FBXL13: variants seen among roughly 807,000 people sequenced by gnomAD.
FBXL13 encodes the protein F-box and leucine-rich repeat protein 13.
In FBXL13, 67 loss-of-function variants were observed where a neutral mutation model predicts 83.6. That is an observed-to-expected ratio of 0.80 (90% CI 0.66 to 0.98). The LOEUF (loss-of-function observed/expected upper bound fraction) is 0.98. Ranked by LOEUF, FBXL13 falls within the 50% of genes least tolerant of loss-of-function variation. The pLI, the probability that FBXL13 is intolerant of heterozygous loss-of-function variation, is 0.00. For missense variants in FBXL13, 822 were observed against 866.5 expected (o/e 0.95, Z 0.64); for synonymous variants, 272 against 299.5 (o/e 0.91, Z 0.95).
chr7:103,037,338 C>T (rs182957659), intron 2 of FBXL13, among the ~76,000 whole-genome samples: 230 of 152,290 alleles, frequency 1.5e-3, no homozygotes, highest in Middle Eastern at 3.4e-3. Flanking sequence ...GTCTGCCTCT[C>T]CCAAATGATT....
At chr7:102,947,038 G>A (rs906805226) in intron 8 of FBXL13, among the ~76,000 whole-genome samples, 3 of 152,138 alleles carry the variant, frequency 2.0e-5, no homozygotes, top group Admixed American at 6.5e-5. Context: ...ACTTAGAGAC[G>A]TTACTTCTCC....
intron 7 of FBXL13, among the ~76,000 whole-genome samples, chr7:102,967,154 G>A (rs539072193): frequency 1.3e-5 from 2 of 152,164 alleles, no homozygotes; most frequent in South Asian, 4.2e-4. Context: ...ATTTTTAGTA[G>A]AGATGGCGTT....
At chr7:102,954,247 TAAAG>T (rs1563143665) in intron 8 of FBXL13, among the ~76,000 whole-genome samples, 1 of 152,170 alleles carries the variant, frequency 6.6e-6, no homozygotes, top group Non-Finnish European at 1.5e-5. Flanking sequence ...TTAACATTCT[TAAAG>T]AAAATAATTT....
intron 1 of FBXL13, among the ~76,000 whole-genome samples, chr7:103,071,606 G>C (rs1273786214): frequency 6.9e-6 from 1 of 145,336 alleles, no homozygotes; most frequent in Non-Finnish European, 1.5e-5. Flanking sequence ...CTATGTTACC[G>C]AGGCTGGTCT....
At chr7:102,816,455 G>T (rs766816408) in intron 19 of FBXL13, among the ~76,000 whole-genome samples, 1 of 152,108 alleles carries the variant, frequency 6.6e-6, no homozygotes, top group Non-Finnish European at 1.5e-5. Flanking sequence ...ATCCTTAGCC[G>T]TGACTAGCTG....
At chr7:102,841,471 A>G (rs576650941) in intron 17 of FBXL13, among the ~76,000 whole-genome samples, 11 of 152,270 alleles carry the variant, frequency 7.2e-5, no homozygotes, top group Admixed American at 4.6e-4. Context: ...TTCTTCCCCA[A>G]TGGGAGTGGG....
intron 6 of FBXL13, among the ~76,000 whole-genome samples, chr7:102,998,069 G>C (rs2129485278): frequency 6.6e-6 from 1 of 152,128 alleles, no homozygotes; most frequent in South Asian, 2.1e-4. Context: ...ATCCTCATAA[G>C]CATGTTATTT....
At chr7:102,847,860 A>C (rs768459499) in intron 17 of FBXL13, among the ~76,000 whole-genome samples, 12 of 152,180 alleles carry the variant, frequency 7.9e-5, no homozygotes, top group Non-Finnish European at 1.8e-4. Flanking sequence ...TGCTTTAAAT[A>C]CTGACCATCA....
intron 6 of FBXL13, among the ~76,000 whole-genome samples, chr7:103,009,246 T>C (rs1426109723): frequency 6.6e-6 from 1 of 151,966 alleles, no homozygotes; most frequent in Admixed American, 6.6e-5. Flanking sequence ...AAGCAGCTCA[T>C]GTGCGCCACT....
exon 13 of FBXL13, chr7:102,883,647 A>T (rs757813069): frequency 6.2e-7 from 1 of 1,611,636 alleles, no homozygotes; most frequent in Admixed American, 1.7e-5. Context: ...CACCAGTGAA[A>T]ACCAGCGATG....
intron 8 of FBXL13, chr7:102,942,299 G>C: frequency 1.3e-6 from 2 of 1,599,500 alleles, no homozygotes; most frequent in Admixed American, 1.7e-5. Flanking sequence ...GGGTCTTTGA[G>C]ATGAAACCCT....
chr7:102,815,864 A>G (rs532150563), intron 19 of FBXL13, among the ~76,000 whole-genome samples: 1 of 152,298 alleles, frequency 6.6e-6, no homozygotes, highest in Non-Finnish European at 1.5e-5. Context: ...TAATTGTGAC[A>G]TAAAACAATT....
At chr7:103,025,142 C>T (rs1362026713) in exon 6 of FBXL13, 3 of 1,612,050 alleles carry the variant, frequency 1.9e-6, no homozygotes, top group East Asian at 2.2e-5. Context: ...AGAAGAACTT[C>T]GTTCAGGAAA....
chr7:103,027,365 T>TC (rs1383433695), intron 5 of FBXL13, 84 bp downstream of exon 6: 2 of 826,482 alleles, frequency 2.4e-6, no homozygotes, highest in African/African-American at 3.4e-5. Context: ...TTTAGTATTT[T>TC]CCACACACGG....
chr7:102,969,781 G>C (rs1826393124), intron 6 of FBXL13, among the ~76,000 whole-genome samples: 1 of 127,630 alleles, frequency 7.8e-6, no homozygotes, highest in Non-Finnish European at 1.6e-5. Flanking sequence ...CTGGGCAATA[G>C]AGCAAGACTC....
rs1798887024 is a variant in FBXL13, at chr7:102,822,163, T to C, written c.1895A>G (p.His632Arg). 7 of 1,614,054 alleles carry C rather than the reference T, an allele frequency of 4.3e-6. No homozygotes were observed. The East Asian group carries it at 1.3e-4, about 31-fold the overall frequency. The change falls in exon 19 of 20, where the codon CAT becomes CGT. Residue 632 changes from histidine to arginine, a missense_variant. His to Arg is a conservative substitution (Grantham distance 29). Coordinates refer to ENST00000313221, the Ensembl canonical transcript of FBXL13. ...AGAGATATCCAAAATGTGCAGGTAATGGCATTTTGCCGATAACATCTCCAT... is the reference window on the plus strand; with the variant it reads ...AGAGATATCCAAAATGTGCAGGTAACGGCATTTTGCCGATAACATCTCCAT...
chr7:102,999,551 C>T (rs1790174544), intron 6 of FBXL13, among the ~76,000 whole-genome samples: 2 of 152,142 alleles, frequency 1.3e-5, no homozygotes, highest in Admixed American at 1.3e-4. Flanking sequence ...GTCTGGCTTT[C>T]CTTTAATGGG....
intron 10 of FBXL13, among the ~76,000 whole-genome samples, chr7:102,914,545 T>G (rs1172945962): frequency 6.6e-6 from 1 of 152,208 alleles, no homozygotes. Context: ...CACAGGTGAA[T>G]AAAGTTTACC....
At chr7:103,068,194 A>G (rs1360772190) in intron 1 of FBXL13, among the ~76,000 whole-genome samples, 2 of 152,240 alleles carry the variant, frequency 1.3e-5, no homozygotes, top group African/African-American at 4.8e-5. Context: ...CAATGACAGG[A>G]GTAGAGAAAA....
Sources: gnomAD v4.1 joint callset for allele counts (sites outside exome capture counted in the v4.1 genomes callset) on GRCh38, gnomAD v4.1.1 for gene constraint, MANE v1.5 for transcripts, NCBI Gene and HGNC (gene_info 2026-07-23, HGNC 2026-07-21) for gene names.